Variants in SEPTIN9 observed in about 807,000 individuals in gnomAD.
SEPTIN9 encodes the protein septin 9, also known as septin-9.
A neutral mutation model predicts 56.6 loss-of-function variants in SEPTIN9; 13 were observed. The ratio of observed to expected loss-of-function variants is 0.23; its 90% CI spans 0.15 to 0.37. The LOEUF (loss-of-function observed/expected upper bound fraction) is 0.37. Among genes scored for constraint, SEPTIN9 ranks in the 10% least tolerant of loss-of-function variants. SEPTIN9 has a pLI of 1.00. For missense variants in SEPTIN9, 650 were observed against 823.1 expected, an observed-to-expected ratio of 0.79 and a Z score of 2.57; for synonymous variants, 332 against 334.1, an observed-to-expected ratio of 0.99 and a Z score of 0.07.
At chr17:77,295,611 C>T (rs72880520) in intron 1 of SEPTIN9, among the ~76,000 whole-genome samples, 10,101 of 152,204 alleles carry the variant, frequency 0.066, 486 homozygotes, top group African/African-American at 0.13. Flanking sequence ...GTTTCTCCCA[C>T]ACAAAGGAGG....
intron 10 of SEPTIN9, among the ~76,000 whole-genome samples, chr17:77,496,805 G>T (rs916593793): frequency 2.6e-5 from 4 of 152,210 alleles, no homozygotes; most frequent in Admixed American, 6.5e-5. Flanking sequence ...TGCTCTGAGC[G>T]CACACAAGGT....
At chr17:77,443,445 T>C (rs1407002031) in intron 3 of SEPTIN9, among the ~76,000 whole-genome samples, 1 of 152,152 alleles carries the variant, frequency 6.6e-6, no homozygotes, top group East Asian at 1.9e-4. Context: ...TAAGTTATTA[T>C]CAATTTATAA....
At position 77,414,612 on chromosome 17, in the gene SEPTIN9, C is replaced by G. The variant is rs1299820241; in HGVS notation, c.721+11909C>G. On this transcript the variant is annotated intron_variant, in intron 3 of 11. Transcript: ENST00000427177. ...TTTTTTTTTGAGATAGGGTCTCACT[C>G]TGTCACCCAGGCTGGGGTGCAATGG... 7.2e-5 allele frequency among the ~76,000 whole-genome samples: 10 copies of G among 138,372 alleles called. No homozygotes were observed. In the East Asian group the frequency reaches 1.9e-3, roughly 27 times the overall value. 90.8% of individuals were successfully genotyped at this position (138,372 alleles called of 152,430 possible).
intron 2 of SEPTIN9, among the ~76,000 whole-genome samples, chr17:77,368,129 G>T (rs1004881733): frequency 2.0e-5 from 3 of 152,212 alleles, no homozygotes; most frequent in Non-Finnish European, 4.4e-5. Flanking sequence ...AAATTGGAAT[G>T]ACGGTTGCCA....
chr17:77,472,615 C>G (rs1161781857), intron 3 of SEPTIN9: 1 of 152,210 alleles, frequency 6.6e-6, no homozygotes, highest in South Asian at 2.1e-4. Context: ...GGAAAGAGCT[C>G]CAGCTCGGAG....
chr17:77,348,897 C>A (rs939204162), intron 2 of SEPTIN9, among the ~76,000 whole-genome samples: 1 of 152,108 alleles, frequency 6.6e-6, no homozygotes, highest in Non-Finnish European at 1.5e-5. Context: ...AAAACAGAAT[C>A]TTTTCTATTT....
intron 2 of SEPTIN9, among the ~76,000 whole-genome samples, chr17:77,357,388 T>C (rs2034289322): frequency 1.3e-5 from 2 of 152,002 alleles, no homozygotes; most frequent in South Asian, 4.1e-4. Flanking sequence ...TCAAAACACA[T>C]GGTCAAGTTG....
Position 77,304,771 on chromosome 17 carries a change from G to T in SEPTIN9, c.20-2370G>T, listed in dbSNP as rs77562972. On this transcript the variant is annotated intron_variant, in intron 1 of 11. Transcript: ENST00000427177. Reference sequence around the variant, plus strand: ...CCGGACAGCAGAATGTCCCAGTAGTGCACTGATGGTGTGTGCGTGGGGATG... The same window carrying T: ...CCGGACAGCAGAATGTCCCAGTAGTTCACTGATGGTGTGTGCGTGGGGATG... 3.3e-3 allele frequency among the ~76,000 whole-genome samples: 507 copies of T among 152,314 alleles called. 1 individual carries two copies. Among genetic ancestry groups the T allele is most frequent in the African/African-American group, 0.012 (482 of 41,564 alleles).
rs1242725678 is a variant in SEPTIN9 at position 77,453,521 on chromosome 17, C to T, written c.722-28623C>T. On this transcript the variant is annotated intron_variant, in intron 3 of 11. Coordinates refer to ENST00000427177, the MANE Select transcript of SEPTIN9 (RefSeq NM_001113491.2). The surrounding 1 kb of genome is among the most constrained non-coding windows in gnomAD (Gnocchi z 4.4). ...TCGGGAGGCTGAGACAGGAGAATCA[C>T]TTGAACCTGGGAGGTGGAGGTTGCA... 6.6e-6 allele frequency among the ~76,000 whole-genome samples: 1 copy of T among 151,394 alleles called. No homozygotes were observed. Among genetic ancestry groups the T allele is most frequent in the African/African-American group, 2.4e-5 (1 of 41,112 alleles).
At chr17:77,432,858 G>C (rs953224002) in intron 3 of SEPTIN9, among the ~76,000 whole-genome samples, 2 of 152,250 alleles carry the variant, frequency 1.3e-5, no homozygotes, top group African/African-American at 4.8e-5. Flanking sequence ...GTGAGCTGTG[G>C]CCTGACCACA....
chr17:77,431,685 C>T (rs978109496), intron 3 of SEPTIN9, among the ~76,000 whole-genome samples: 4 of 151,996 alleles, frequency 2.6e-5, no homozygotes, highest in African/African-American at 9.7e-5. Flanking sequence ...CAAAAATTAG[C>T]CTGGTGTGGT....
chr17:77,413,062 C>T (rs769643708), intron 3 of SEPTIN9, among the ~76,000 whole-genome samples: 1 of 150,620 alleles, frequency 6.6e-6, no homozygotes, highest in African/African-American at 2.5e-5. Context: ...TACACAGCAG[C>T]GAGCTTGGTC....
Position 77,405,442 on chromosome 17 carries a change from C to T in SEPTIN9, c.721+2739C>T, listed in dbSNP as rs1339647125. 1.3e-5 allele frequency among the ~76,000 whole-genome samples: 2 copies of T among 152,190 alleles called. No individual in the cohort carries two copies. The highest frequency in any genetic ancestry group is 4.8e-5 in the African/African-American group (2 of 41,446). On this transcript the variant is annotated intron_variant, in intron 3 of 11. Transcript: ENST00000427177. This position sits in a 1 kb window ranked among gnomAD's most constrained non-coding sequence, Gnocchi z 5.8. ...ACCTGGCGCTCTGGGGGGACGGTGG[C>T]TTTCTCCATGGAATAGGATGTACAC...
rs1223483336 is a variant in SEPTIN9, at chr17:77,310,648, C to A, written c.76+3451C>A. Reference sequence around the variant, plus strand: ...TCTCAGCCCTTCTAGATGTTACCACCACGCCCTCCCGAGTGGCCTTCTGGT... The same window carrying A: ...TCTCAGCCCTTCTAGATGTTACCACAACGCCCTCCCGAGTGGCCTTCTGGT... On this transcript the variant is annotated intron_variant, in intron 2 of 11. Transcript: ENST00000427177. This position sits in a 1 kb window ranked among gnomAD's most constrained non-coding sequence, Gnocchi z 4.7. 6.6e-6 allele frequency among the ~76,000 whole-genome samples: 1 copy of A among 152,144 alleles called. No homozygotes were observed. Among genetic ancestry groups the A allele is most frequent in the Non-Finnish European group, 1.5e-5 (1 of 68,018 alleles).
At chr17:77,404,266 ACAGGGTCTTGCTCTGTCCTC>A (rs1385043200) in intron 3 of SEPTIN9, among the ~76,000 whole-genome samples, 1 of 152,034 alleles carries the variant, frequency 6.6e-6, no homozygotes, top group African/African-American at 2.4e-5. Context: ...CTTTTTTGAG[ACAGGGTCTTGCTCTGTCCTC>A]CAGGCTGGCG....
Position 77,405,856 on chromosome 17 carries a change from T to C in SEPTIN9, c.721+3153T>C, listed in dbSNP as rs1055304358. 6.6e-6 allele frequency among the ~76,000 whole-genome samples: 1 copy of C among 152,066 alleles called. No homozygotes were observed. Among genetic ancestry groups the C allele is most frequent in the African/African-American group, 2.4e-5 (1 of 41,408 alleles). ...AGGCCCATCCCCTTCTGCCCCTCCA[T>C]GTGGGGCTGGGCTGGGAGTTCCCTG... On this transcript the variant is annotated intron_variant, in intron 3 of 11. Transcript: ENST00000427177. This position sits in a 1 kb window ranked among gnomAD's most constrained non-coding sequence, Gnocchi z 5.8.
intron 3 of SEPTIN9, chr17:77,470,617 C>G (rs771122906): frequency 1.3e-5 from 2 of 152,204 alleles, no homozygotes; most frequent in Non-Finnish European, 2.9e-5. Context: ...CATCCGCCAA[C>G]CCATCCATTC....
At chr17:77,348,028 CT>C (rs1214804249) in intron 2 of SEPTIN9, among the ~76,000 whole-genome samples, 3 of 152,126 alleles carry the variant, frequency 2.0e-5, no homozygotes, top group South Asian at 2.1e-4. Flanking sequence ...ATCAGTATGT[CT>C]TTTTCCAAAC....
At chr17:77,480,766 CG>C (rs1435963178) in intron 3 of SEPTIN9, among the ~76,000 whole-genome samples, 1 of 152,178 alleles carries the variant, frequency 6.6e-6, no homozygotes. Flanking sequence ...TGCCTGGGAG[CG>C]TGCCGTGTGG....
Sources: allele counts gnomAD v4.1 joint callset (sites outside exome capture counted in the v4.1 genomes callset), GRCh38; gene constraint gnomAD v4.1.1; non-coding constraint Gnocchi (gnomAD v3.1); transcripts MANE v1.5; gene names NCBI Gene and HGNC (gene_info 2026-07-23, HGNC 2026-07-21).